Variants in SGCZ observed in about 807,000 individuals in gnomAD.
The protein encoded by SGCZ is zeta-sarcoglycan.
SGCZ carries 40 observed loss-of-function variants against 41.3 expected under a neutral mutation model. That is an observed-to-expected ratio of 0.97 (90% CI 0.75 to 1.26). The LOEUF (loss-of-function observed/expected upper bound fraction) is 1.26, where lower values mean the gene tolerates loss of function less well. SGCZ is among the 50% of genes most tolerant of loss of function. The probability of loss-of-function intolerance (pLI) is 0.00; values close to 1 mark genes in which losing one functional copy is unlikely to be tolerated. For synonymous variants in SGCZ, 206 were observed against 137.5 expected (o/e 1.50, Z -3.49); for missense variants, 552 against 369.8 (o/e 1.49, Z -4.04).
chr8:14,549,438 G>A (rs1411316184), intron 2 of SGCZ, among the ~76,000 whole-genome samples: 1 of 152,018 alleles, frequency 6.6e-6, no homozygotes, highest in South Asian at 2.1e-4. Flanking sequence ...ATCTGAAATA[G>A]TTTACTGAGA....
intron 4 of SGCZ, among the ~76,000 whole-genome samples, chr8:14,220,632 C>A (rs1806160072): frequency 6.6e-6 from 1 of 151,912 alleles, no homozygotes; most frequent in Admixed American, 6.6e-5. Context: ...AAAAATAATA[C>A]AAAAATCAGT....
At position 14,423,116 on chromosome 8, in the gene SGCZ, G is replaced by T. The variant is rs577751107; in HGVS notation, c.235-98912C>A. ...AGGTAAACCTTTTTTTCTTGGCAGTGTTGTGTGCTCCAGCATTTTTTAAAA... is the reference window on the plus strand; with the variant it reads ...AGGTAAACCTTTTTTTCTTGGCAGTTTTGTGTGCTCCAGCATTTTTTAAAA... On this transcript the variant is annotated intron_variant, in intron 2 of 7. Coordinates refer to ENST00000382080, the MANE Select transcript of SGCZ (RefSeq NM_139167.4). Among the ~76,000 whole-genome samples, 13 of 151,774 alleles carry T rather than the reference G, an allele frequency of 8.6e-5. 1 individual carries two copies. The highest frequency in any genetic ancestry group is 2.7e-4 in the African/African-American group (11 of 41,396).
intron 1 of SGCZ, among the ~76,000 whole-genome samples, chr8:14,894,803 C>T (rs976944068): frequency 1.2e-4 from 18 of 152,054 alleles, no homozygotes; most frequent in East Asian, 1.9e-4. Context: ...AAATAACACC[C>T]TCCCTAGCTT....
chr8:14,985,791 A>G (rs560079564), intron 1 of SGCZ, among the ~76,000 whole-genome samples: 9 of 152,280 alleles, frequency 5.9e-5, no homozygotes, highest in Non-Finnish European at 5.9e-5. Context: ...GAACATCTAG[A>G]CTTACTCATT....
chr8:15,053,697 T>A (rs543946266), intron 1 of SGCZ, among the ~76,000 whole-genome samples: 17 of 152,316 alleles, frequency 1.1e-4, no homozygotes, highest in African/African-American at 3.8e-4. Context: ...AGTGAAAATA[T>A]GAGATAAATG....
chr8:14,532,351 T>C (rs1244655752), intron 2 of SGCZ, among the ~76,000 whole-genome samples: 4 of 152,040 alleles, frequency 2.6e-5, no homozygotes, highest in Non-Finnish European at 5.9e-5. Context: ...AGCTAACTAG[T>C]GGTCTTTAGC....
At chr8:14,597,949 T>C (rs1805465946) in intron 1 of SGCZ, among the ~76,000 whole-genome samples, 1 of 152,244 alleles carries the variant, frequency 6.6e-6, no homozygotes, top group African/African-American at 2.4e-5. Flanking sequence ...TATATTATTT[T>C]CACGTATTCT....
At chr8:14,400,702 G>C (rs976979901) in intron 2 of SGCZ, among the ~76,000 whole-genome samples, 1 of 151,956 alleles carries the variant, frequency 6.6e-6, no homozygotes, top group Non-Finnish European at 1.5e-5. Context: ...TTTTCTAAAG[G>C]CCTATTCTTG....
At chr8:15,019,724 C>G (rs1803182334) in intron 1 of SGCZ, among the ~76,000 whole-genome samples, 1 of 151,698 alleles carries the variant, frequency 6.6e-6, no homozygotes, top group Non-Finnish European at 1.5e-5. Context: ...GTCCTCCAAT[C>G]TGACTGGCAT....
intron 1 of SGCZ, among the ~76,000 whole-genome samples, chr8:14,868,933 C>T (rs111893552): frequency 0.064 from 9,740 of 151,962 alleles, 595 homozygotes; most frequent in African/African-American, 0.16. Flanking sequence ...GTTCTGGAAT[C>T]GAGGCAGTAA....
intron 1 of SGCZ, among the ~76,000 whole-genome samples, chr8:15,181,452 T>C (rs1800177155): frequency 6.6e-6 from 1 of 152,186 alleles, no homozygotes; most frequent in African/African-American, 2.4e-5. Flanking sequence ...GAGAAGTCTT[T>C]TCAACGTTTG....
At chr8:15,036,441 A>C (rs1803880461) in intron 1 of SGCZ, among the ~76,000 whole-genome samples, 1 of 152,158 alleles carries the variant, frequency 6.6e-6, no homozygotes, top group Non-Finnish European at 1.5e-5. Flanking sequence ...ATGACAAAAA[A>C]TAACTAATGG....
intron 1 of SGCZ, among the ~76,000 whole-genome samples, chr8:14,622,546 T>C (rs749153830): frequency 5.3e-5 from 8 of 152,102 alleles, no homozygotes; most frequent in East Asian, 1.9e-4. Flanking sequence ...AGAGTGTTGC[T>C]GTTTATGATT....
chr8:14,326,221 T>C (rs960564434), intron 2 of SGCZ, among the ~76,000 whole-genome samples: 2 of 151,436 alleles, frequency 1.3e-5, no homozygotes, highest in Non-Finnish European at 2.9e-5. Context: ...GGATAAATTC[T>C]TGGATGATGT....
intron 1 of SGCZ, among the ~76,000 whole-genome samples, chr8:15,206,691 C>A (rs183058927): frequency 9.9e-5 from 15 of 152,244 alleles, no homozygotes; most frequent in Non-Finnish European, 1.9e-4. Context: ...TTGTGATCCA[C>A]CCTCCTCGGC....
At chr8:14,793,252 T>C (rs1475143100) in intron 1 of SGCZ, among the ~76,000 whole-genome samples, 1 of 152,200 alleles carries the variant, frequency 6.6e-6, no homozygotes, top group African/African-American at 2.4e-5. Context: ...TTTGCCCTTT[T>C]TTGCACTGAC....
At chr8:15,133,128 G>A (rs567245583) in intron 1 of SGCZ, among the ~76,000 whole-genome samples, 24 of 149,068 alleles carry the variant, frequency 1.6e-4, no homozygotes, top group Non-Finnish European at 2.5e-4. Flanking sequence ...CAGAGACAGA[G>A]TGATACCCTG....
chr8:14,877,859 T>A (rs1804421065), intron 1 of SGCZ, among the ~76,000 whole-genome samples: 1 of 152,172 alleles, frequency 6.6e-6, no homozygotes, highest in Non-Finnish European at 1.5e-5. Flanking sequence ...CTAATGGATT[T>A]TCATGTTCCT....
intron 1 of SGCZ, among the ~76,000 whole-genome samples, chr8:15,003,933 A>T (rs989002393): frequency 6.6e-6 from 1 of 152,176 alleles, no homozygotes; most frequent in African/African-American, 2.4e-5. Context: ...AATACATCTC[A>T]TGCTCCCACA....
Sources: allele counts gnomAD v4.1 joint callset (sites outside exome capture counted in the v4.1 genomes callset), GRCh38; gene constraint gnomAD v4.1.1; transcripts MANE v1.5; gene names NCBI Gene and HGNC (gene_info 2026-07-23, HGNC 2026-07-21).